The following BCKDHB variants were observed in gnomAD, a reference collection of about 807,000 sequenced individuals.
BCKDHB encodes the protein branched chain keto acid dehydrogenase E1 subunit beta.
BCKDHB carries 41 observed loss-of-function variants against 48.5 expected under a neutral mutation model. The observed-to-expected ratio is 0.85, with a 90% CI of 0.66 to 1.10. BCKDHB has a LOEUF of 1.10. Ranked by LOEUF, BCKDHB falls within the 50% of genes least tolerant of loss-of-function variation. The pLI is 0.00. For missense variants in BCKDHB, 496 were observed against 494.2 expected (o/e 1.00, Z -0.03); for synonymous variants, 201 against 174.8 (o/e 1.15, Z -1.18).
chr6:80,365,915 T>C, the BCKDHB span, among the ~76,000 whole-genome samples: 1 of 152,198 alleles, frequency 6.6e-6, no homozygotes, highest in African/African-American at 2.4e-5. Flanking sequence ...TAGTCCTGAA[T>C]AGGAGGCTAT....
chr6:80,169,749 G>A, intron 5 of BCKDHB: 1 of 1,501,578 alleles, frequency 6.7e-7, no homozygotes, highest in Non-Finnish European at 9.1e-7. Flanking sequence ...TTGACCACAT[G>A]AATTGATTGT....
intron 6 of BCKDHB, among the ~76,000 whole-genome samples, chr6:80,195,651 C>A (rs1774098005): frequency 6.6e-6 from 1 of 152,062 alleles, no homozygotes; most frequent in Non-Finnish European, 1.5e-5. Context: ...TTAATGTGTT[C>A]ACACTTTGTT....
At position 80,218,881 on chromosome 6, in the gene BCKDHB, G is replaced by C. The variant is rs1010965468; in HGVS notation, c.951+15669G>C. 3.3e-5 allele frequency among the ~76,000 whole-genome samples: 5 copies of C among 152,258 alleles called. No individual in the cohort carries two copies. The East Asian group carries it at 9.6e-4, about 29-fold the overall frequency. Reference sequence around the variant, plus strand: ...TAAAAGTTGAAAAGCAGTACACACTGTTAATATTATTATGATAACAAATAT... The same window carrying C: ...TAAAAGTTGAAAAGCAGTACACACTCTTAATATTATTATGATAACAAATAT... On this transcript the variant is annotated intron_variant, in intron 8 of 9. Coordinates refer to ENST00000320393, the MANE Select transcript of BCKDHB (RefSeq NM_183050.4).
At chr6:80,283,466 C>A (rs548625473) in intron 9 of BCKDHB, among the ~76,000 whole-genome samples, 57 of 152,162 alleles carry the variant, frequency 3.7e-4, no homozygotes, top group African/African-American at 1.3e-3. Flanking sequence ...TGCATTCATA[C>A]CAAGCTCCTC....
intron 3 of BCKDHB, among the ~76,000 whole-genome samples, chr6:80,154,332 T>C (rs1341987474): frequency 6.6e-6 from 1 of 152,196 alleles, no homozygotes; most frequent in Non-Finnish European, 1.5e-5. Flanking sequence ...TATTTTTTAC[T>C]GGGTCAGAAT....
the BCKDHB span, among the ~76,000 whole-genome samples, chr6:80,465,398 A>G: frequency 6.6e-6 from 1 of 152,238 alleles, no homozygotes; most frequent in Non-Finnish European, 1.5e-5. Flanking sequence ...TTTCCAAACT[A>G]TAGTACAACT....
At chr6:80,350,874 T>A (rs1770373657), downstream of BCKDHB, among the ~76,000 whole-genome samples, 1 of 152,224 alleles carries the variant, frequency 6.6e-6, no homozygotes, top group Non-Finnish European at 1.5e-5. Flanking sequence ...TTTTATTGGT[T>A]CCAGGACAAG....
At chr6:80,281,048 GTA>G (rs373394435) in intron 9 of BCKDHB, among the ~76,000 whole-genome samples, 15,905 of 151,860 alleles carry the variant, frequency 0.1, 1,051 homozygotes, top group South Asian at 0.25. Context: ...GTGTGTGTGT[GTA>G]TAAGGTAATG....
At chr6:80,253,187 A>G (rs1776905352) in intron 8 of BCKDHB, among the ~76,000 whole-genome samples, 1 of 152,224 alleles carries the variant, frequency 6.6e-6, no homozygotes, top group Non-Finnish European at 1.5e-5. Flanking sequence ...GCAGATATTC[A>G]TCACTTAGGG....
intron 9 of BCKDHB, among the ~76,000 whole-genome samples, chr6:80,300,927 G>C (rs1238570655): frequency 2.6e-5 from 4 of 152,092 alleles, no homozygotes; most frequent in Non-Finnish European, 5.9e-5. Flanking sequence ...TAAACAATTT[G>C]CTCCTGAATA....
At chr6:80,448,881 A>G in the BCKDHB span, among the ~76,000 whole-genome samples, 2 of 152,098 alleles carry the variant, frequency 1.3e-5, no homozygotes, top group African/African-American at 4.8e-5. Context: ...CCAAACCTCA[A>G]TGTCACGCAA....
At chr6:80,112,987 A>T (rs1296131393) in intron 1 of BCKDHB, among the ~76,000 whole-genome samples, 2 of 152,226 alleles carry the variant, frequency 1.3e-5, no homozygotes, top group Non-Finnish European at 2.9e-5. Context: ...TAATGATAGG[A>T]ACCGGAGGTG....
At chr6:80,108,308 GTT>G (rs574194102) in intron 1 of BCKDHB, among the ~76,000 whole-genome samples, 4 of 131,084 alleles carry the variant, frequency 3.1e-5, no homozygotes, top group Admixed American at 7.7e-5. Flanking sequence ...AATAGTAGGT[GTT>G]TTTTTTTTTT....
At chr6:80,217,556 AT>A (rs895588891) in intron 8 of BCKDHB, among the ~76,000 whole-genome samples, 4 of 152,080 alleles carry the variant, frequency 2.6e-5, no homozygotes, top group African/African-American at 9.7e-5. Context: ...AATTCAAGCA[AT>A]CCATTAACAT....
chr6:80,210,532 G>A (rs989442091), intron 8 of BCKDHB, among the ~76,000 whole-genome samples: 6 of 151,974 alleles, frequency 3.9e-5, no homozygotes, highest in African/African-American at 1.4e-4. Flanking sequence ...AAACTGAGCC[G>A]AACACTCATT....
the BCKDHB span, among the ~76,000 whole-genome samples, chr6:80,400,476 A>G: frequency 2.6e-5 from 4 of 152,118 alleles, no homozygotes; most frequent in African/African-American, 4.8e-5. Flanking sequence ...AAAATGCTCA[A>G]CATCACTGAT....
the BCKDHB span, among the ~76,000 whole-genome samples, chr6:80,421,102 G>A: frequency 1.3e-5 from 2 of 152,130 alleles, no homozygotes; most frequent in South Asian, 2.1e-4. Flanking sequence ...AGTTGAGGGA[G>A]GGACCTGGTG....
At chr6:80,315,598 G>T (rs1408972924) in intron 9 of BCKDHB, among the ~76,000 whole-genome samples, 12 of 143,956 alleles carry the variant, frequency 8.3e-5, no homozygotes, top group African/African-American at 2.3e-4. Flanking sequence ...CCGATCCCTT[G>T]TTTTTTTTTT....
chr6:80,196,418 G>T (rs1774133085), intron 6 of BCKDHB, among the ~76,000 whole-genome samples: 1 of 152,056 alleles, frequency 6.6e-6, no homozygotes, highest in South Asian at 2.1e-4. Context: ...TAACCGAGTT[G>T]TTGCTTCCCT....
Sources: gnomAD v4.1 joint callset for allele counts (sites outside exome capture counted in the v4.1 genomes callset) on GRCh38, gnomAD v4.1.1 for gene constraint, MANE v1.5 for transcripts, NCBI Gene and HGNC (gene_info 2026-07-23, HGNC 2026-07-21) for gene names.